The following PKIA variants were observed in gnomAD, a reference collection of about 807,000 sequenced individuals.
PKIA encodes the protein PKI-alpha.
In PKIA, 4 loss-of-function variants were observed where a neutral mutation model predicts 7.6. That is an observed-to-expected ratio of 0.52 (90% CI 0.26 to 1.20). PKIA has a LOEUF of 1.20. PKIA is among the 50% of genes most tolerant of loss of function. PKIA has a pLI of 0.13. For missense variants in PKIA, 73 were observed against 86.2 expected (o/e 0.85, Z 0.61); for synonymous variants, 21 against 30.7 (o/e 0.68, Z 1.04).
chr8:78,562,684 G>A lies in PKIA; in HGVS notation c.-156-10127G>A, dbSNP rs1241087319. ...TGCCAACTCTACTACCTTGGCCAGAGAGACCAGCCTGCTCTGTGTCTGTCT... is the reference window on the plus strand; with the variant it reads ...TGCCAACTCTACTACCTTGGCCAGAAAGACCAGCCTGCTCTGTGTCTGTCT... On this transcript the variant is annotated intron_variant, in intron 1 of 3. Coordinates refer to ENST00000396418, the MANE Select transcript of PKIA (RefSeq NM_006823.4). Among the ~76,000 whole-genome samples the A allele has an allele frequency of 2.0e-5, 3 of 152,130 alleles. No individual in the cohort carries two copies. In the East Asian group the frequency reaches 5.8e-4, roughly 29 times the overall value.
intron 2 of PKIA, among the ~76,000 whole-genome samples, chr8:78,576,751 G>A (rs930266974): frequency 6.6e-6 from 1 of 151,880 alleles, no homozygotes; most frequent in African/African-American, 2.4e-5. Context: ...GTGGCATAGT[G>A]AGATATTTTA....
chr8:78,535,417 A>G (rs1806498016), intron 1 of PKIA: 1 of 151,896 alleles, frequency 6.6e-6, no homozygotes, highest in Non-Finnish European at 1.5e-5. Context: ...AGGTTTAGGG[A>G]TGGGGTCCAC....
chr8:78,589,595 G>C (rs1808043253), intron 2 of PKIA, among the ~76,000 whole-genome samples: 1 of 152,064 alleles, frequency 6.6e-6, no homozygotes, highest in Non-Finnish European at 1.5e-5. Context: ...CAAAAGCAAG[G>C]TGGGGGTGGG....
At chr8:78,527,394 G>A (rs1201674490) in intron 1 of PKIA, among the ~76,000 whole-genome samples, 1 of 151,838 alleles carries the variant, frequency 6.6e-6, no homozygotes, top group Non-Finnish European at 1.5e-5. Flanking sequence ...GTGTATCTAT[G>A]TATGTATTCA....
chr8:78,533,353 G>A (rs1446558992), intron 1 of PKIA, among the ~76,000 whole-genome samples: 2 of 152,084 alleles, frequency 1.3e-5, no homozygotes, highest in Admixed American at 6.6e-5. Flanking sequence ...ATGTTCGTTT[G>A]CAGTTTGAAT....
rs1808393797 is a variant in PKIA at position 78,603,181 on chromosome 8, C to T, written c.*1360C>T. The T allele has an allele frequency of 6.6e-6, 1 of 152,290 alleles. No individual in the cohort carries two copies. Among genetic ancestry groups the T allele is most frequent in the South Asian group, 2.1e-4 (1 of 4,828 alleles). 9.4% of individuals were successfully genotyped at this position (152,290 alleles called of 1,614,324 possible). ...ATCCCTCTGGTCAGTATTATGAAAT[C>T]ATTTGTCAGTGGTAATAAATAAGGA... is the stretch of plus-strand genomic sequence containing the variant. On this transcript the variant is annotated 3_prime_UTR_variant, in exon 4 of 4. Coordinates refer to ENST00000396418, the MANE Select transcript of PKIA (RefSeq NM_006823.4).
intron 1 of PKIA, among the ~76,000 whole-genome samples, chr8:78,542,836 A>G (rs1379583734): frequency 6.6e-6 from 1 of 152,104 alleles, no homozygotes; most frequent in African/African-American, 2.4e-5. Context: ...AACTTTTACA[A>G]AAGTGTCTTA....
rs1426699963 is a variant in PKIA at position 78,601,945 on chromosome 8, T to G, written c.*124T>G. 1 of 717,292 alleles carries G rather than the reference T, an allele frequency of 1.4e-6. No homozygotes were observed. Among genetic ancestry groups the G allele is most frequent in the Non-Finnish European group, 2.3e-6 (1 of 427,410 alleles). 44.4% of individuals were successfully genotyped at this position (717,292 alleles called of 1,614,324 possible). On this transcript the variant is annotated 3_prime_UTR_variant, in exon 4 of 4. Coordinates refer to ENST00000396418, the MANE Select transcript of PKIA (RefSeq NM_006823.4). ...ATGGCTGTGCTGCATTGCAGGAACC[T>G]GCTCATTATCATGTTAAAAATGAGG...
intron 1 of PKIA, chr8:78,535,652 C>A (rs1806503575): frequency 6.6e-6 from 1 of 152,092 alleles, no homozygotes; most frequent in South Asian, 2.1e-4. Flanking sequence ...CACTGCTGCT[C>A]AGGAACCTAT....
chr8:78,577,109 C>CT (rs969909165), intron 2 of PKIA, among the ~76,000 whole-genome samples: 7 of 151,782 alleles, frequency 4.6e-5, no homozygotes, highest in Non-Finnish European at 5.9e-5. Flanking sequence ...TATGTTCTCA[C>CT]TTTTTTTTAA....
intron 1 of PKIA, among the ~76,000 whole-genome samples, chr8:78,563,472 G>T (rs1413399145): frequency 1.3e-5 from 2 of 152,106 alleles, no homozygotes; most frequent in Non-Finnish European, 1.5e-5. Flanking sequence ...CAGATTAAAG[G>T]TGGGGTGGTA....
At chr8:78,561,850 C>T (rs1807293376) in intron 1 of PKIA, among the ~76,000 whole-genome samples, 1 of 152,204 alleles carries the variant, frequency 6.6e-6, no homozygotes, top group South Asian at 2.1e-4. Flanking sequence ...AAGCATTGCA[C>T]AGTACCTGCC....
At chr8:78,524,443 C>T (rs1215572688) in intron 1 of PKIA, among the ~76,000 whole-genome samples, 2 of 151,568 alleles carry the variant, frequency 1.3e-5, no homozygotes, top group East Asian at 3.9e-4. Flanking sequence ...GGGGAAATGG[C>T]TTTCTTCAAA....
intron 1 of PKIA, among the ~76,000 whole-genome samples, chr8:78,547,088 CA>C (rs1488574432): frequency 6.6e-6 from 1 of 152,026 alleles, no homozygotes; most frequent in East Asian, 1.9e-4. Context: ...AGAGAAAAAA[CA>C]AAAACAGTTT....
At chr8:78,598,230 A>G in intron 2 of PKIA, 128 bp from the exon 3 acceptor site, 1 of 454,808 alleles carries the variant, frequency 2.2e-6, no homozygotes, top group Non-Finnish European at 3.8e-6. Flanking sequence ...TAGGACCAGA[A>G]AAGGCATTAC....
chr8:78,560,014 T>G (rs1807246010), intron 1 of PKIA, among the ~76,000 whole-genome samples: 1 of 152,220 alleles, frequency 6.6e-6, no homozygotes, highest in Admixed American at 6.5e-5. Context: ...ATATGCTACT[T>G]TCATGCATAT....
chr8:78,577,594 G>A (rs1370597819), intron 2 of PKIA, among the ~76,000 whole-genome samples: 2 of 151,716 alleles, frequency 1.3e-5, no homozygotes, highest in Non-Finnish European at 2.9e-5. Flanking sequence ...AATTTACTAA[G>A]TTGTATTCAT....
intron 1 of PKIA, among the ~76,000 whole-genome samples, chr8:78,553,540 A>G (rs1807042230): frequency 6.6e-6 from 1 of 152,012 alleles, no homozygotes; most frequent in African/African-American, 2.4e-5. Flanking sequence ...TACTAGAAGT[A>G]GTAGGCCTAT....
chr8:78,600,521 T>G (rs1808328565), intron 3 of PKIA, among the ~76,000 whole-genome samples: 1 of 152,076 alleles, frequency 6.6e-6, no homozygotes, highest in Admixed American at 6.6e-5. Context: ...TCCTGAAATA[T>G]TCTACTGTCT....
Sources: allele counts gnomAD v4.1 joint callset (sites outside exome capture counted in the v4.1 genomes callset), GRCh38; gene constraint gnomAD v4.1.1; transcripts MANE v1.5; gene names NCBI Gene and HGNC (gene_info 2026-07-23, HGNC 2026-07-21).